The following CDH17 variants were observed in gnomAD, a reference collection of about 807,000 sequenced individuals.
CDH17 encodes cadherin-17.
CDH17 carries 67 observed loss-of-function variants against 86.3 expected under a neutral mutation model. That is an observed-to-expected ratio of 0.78 (90% CI 0.64 to 0.95). The LOEUF (loss-of-function observed/expected upper bound fraction) is 0.95. Among genes scored for constraint, CDH17 ranks in the 40% least tolerant of loss-of-function variants. The pLI, the probability that CDH17 is intolerant of heterozygous loss-of-function variation, is 0.00. For synonymous variants in CDH17, 367 were observed against 366.4 expected (o/e 1.00, Z -0.02); for missense variants, 993 against 1,017.6 (o/e 0.98, Z 0.33).
chr8:94,169,354 G>C (rs1185458527), intron 9 of CDH17, among the ~76,000 whole-genome samples: 1 of 152,140 alleles, frequency 6.6e-6, no homozygotes, highest in East Asian at 1.9e-4. Flanking sequence ...GACCTGCACA[G>C]AACACAGTGA....
chr8:94,216,394 G>T (rs1041780229), intron 1 of CDH17, among the ~76,000 whole-genome samples: 1 of 152,118 alleles, frequency 6.6e-6, no homozygotes, highest in Non-Finnish European at 1.5e-5. Context: ...AGACCATCTG[G>T]CTCTATCAAT....
chr8:94,129,396 A>G (rs1285538421), intron 17 of CDH17, among the ~76,000 whole-genome samples: 1 of 152,130 alleles, frequency 6.6e-6, no homozygotes. Flanking sequence ...GGAAGTGGCC[A>G]TGACATGAAG....
At chr8:94,178,120 T>C (rs1336024880) in intron 3 of CDH17, among the ~76,000 whole-genome samples, 6 of 152,322 alleles carry the variant, frequency 3.9e-5, no homozygotes, top group Non-Finnish European at 1.5e-5. Flanking sequence ...ATAGACACGT[T>C]AATGTTAAGG....
chr8:94,132,769 C>A (rs74463695), intron 15 of CDH17, among the ~76,000 whole-genome samples: 152,321 of 152,328 alleles, frequency 1, 76,157 homozygotes, highest in Non-Finnish European at 1. Flanking sequence ...GGTATTGCCT[C>A]GGTTTTCTTC....
intron 12 of CDH17, among the ~76,000 whole-genome samples, chr8:94,155,667 C>A (rs775302409): frequency 2.4e-4 from 36 of 152,220 alleles, no homozygotes; most frequent in Non-Finnish European, 3.8e-4. Context: ...AAAGACAAGA[C>A]TGTACGGCGA....
intron 15 of CDH17, among the ~76,000 whole-genome samples, chr8:94,134,591 T>C (rs954285815): frequency 6.6e-6 from 1 of 152,138 alleles, no homozygotes; most frequent in Non-Finnish European, 1.5e-5. Context: ...ATTTTGTTGA[T>C]CTTTTCAAAA....
rs1041696406 is a variant in CDH17, at chr8:94,127,922, G to A, written c.*318C>T. ...CAGCCTGGCCAAATGGCGAAACCCC[G>A]TCTCTATTAAAAATACAAAAATTAG... On this transcript the variant is annotated 3_prime_UTR_variant, in exon 18 of 18. Coordinates refer to ENST00000027335, the MANE Select transcript of CDH17 (RefSeq NM_004063.4). 4.4e-5 allele frequency: 11 copies of A among 249,492 alleles called. No homozygotes were observed. The highest frequency in any genetic ancestry group is 3.2e-4 in the East Asian group (3 of 9,424). 15.5% of individuals were successfully genotyped at this position (249,492 alleles called of 1,614,324 possible).
chr8:94,213,879 C>T (rs1814158688), intron 1 of CDH17, among the ~76,000 whole-genome samples: 1 of 152,212 alleles, frequency 6.6e-6, no homozygotes, highest in Admixed American at 6.5e-5. Context: ...ACCTCTTGAG[C>T]TAGTCCCTTG....
intron 2 of CDH17, among the ~76,000 whole-genome samples, chr8:94,191,683 AC>A (rs1813693836): frequency 6.6e-6 from 1 of 151,992 alleles, no homozygotes; most frequent in African/African-American, 2.4e-5. Flanking sequence ...CGAACTCCTG[AC>A]CTCAGGTGAT....
chr8:94,205,474 G>C (rs1287194228), intron 1 of CDH17, among the ~76,000 whole-genome samples: 2 of 151,938 alleles, frequency 1.3e-5, no homozygotes, highest in African/African-American at 4.8e-5. Flanking sequence ...GAAGAGAAGA[G>C]AAAGAAAAAT....
rs745784720 is a variant in CDH17 at position 94,128,391 on chromosome 8, G to A, written c.2399-51C>T. 9 of 1,089,688 alleles carry A rather than the reference G, an allele frequency of 8.3e-6. No individual in the cohort carries two copies. In the African/African-American group the frequency reaches 1.4e-4, roughly 17 times the overall value. 67.5% of individuals were successfully genotyped at this position (1,089,688 alleles called of 1,614,324 possible). On this transcript the variant is annotated intron_variant, in intron 17 of 17. Coordinates refer to ENST00000027335, the MANE Select transcript of CDH17 (RefSeq NM_004063.4). Reference sequence around the variant, plus strand: ...TAAATGGGACCTTTTAAAATGTACTGTCACATTCAGTTATAAAGTAGTATT... The same window carrying A: ...TAAATGGGACCTTTTAAAATGTACTATCACATTCAGTTATAAAGTAGTATT...
At chr8:94,209,053 C>T (rs1814081670), upstream of CDH17, among the ~76,000 whole-genome samples, 1 of 152,162 alleles carries the variant, frequency 6.6e-6, no homozygotes, top group African/African-American at 2.4e-5. Flanking sequence ...AGGAAAGACA[C>T]AATATGGCTG....
At chr8:94,134,735 C>G (rs191124609) in intron 15 of CDH17, among the ~76,000 whole-genome samples, 1 of 152,122 alleles carries the variant, frequency 6.6e-6, no homozygotes, top group East Asian at 1.9e-4. Flanking sequence ...TTCTCTAGTT[C>G]TTTTCATTGT....
At chr8:94,157,950 G>C (rs1372933886) in intron 12 of CDH17, among the ~76,000 whole-genome samples, 2 of 152,188 alleles carry the variant, frequency 1.3e-5, no homozygotes, top group Non-Finnish European at 2.9e-5. Context: ...GTGAACAGGA[G>C]TATAGATATC....
intron 1 of CDH17, among the ~76,000 whole-genome samples, chr8:94,203,860 T>A (rs921764570): frequency 2.0e-5 from 3 of 152,124 alleles, no homozygotes; most frequent in African/African-American, 7.2e-5. Context: ...GAGGGAGGGA[T>A]GAACATACAT....
chr8:94,148,809 C>T lies in CDH17; in HGVS notation c.1862G>A (p.Ser621Asn). ...KIDHVTGEIF[S>N]VAPLDREAGS... ...GGCTTCTCTGTCCAATGGAGCCACA[C>T]TAAAGATCTCACCAGTCACGTGGTC... The change falls in exon 14 of 18, where the codon AGT (serine) becomes AAT (asparagine). Residue 621 changes from serine to asparagine, a missense_variant. Coordinates refer to ENST00000027335, the MANE Select transcript of CDH17 (RefSeq NM_004063.4). The T allele has an allele frequency of 6.3e-7, 1 of 1,598,572 alleles. No homozygotes were observed. Among genetic ancestry groups the T allele is most frequent in the South Asian group, 1.1e-5 (1 of 90,446 alleles).
intron 15 of CDH17, among the ~76,000 whole-genome samples, chr8:94,131,785 C>T (rs142892431): frequency 1.1e-3 from 175 of 152,196 alleles, no homozygotes; most frequent in African/African-American, 4.0e-3. Context: ...CTCATCAACT[C>T]GTCATTTACA....
chr8:94,189,081 A>G lies in CDH17; in HGVS notation c.150+106T>C, dbSNP rs1813635429. 1.0e-5 allele frequency: 8 copies of G among 782,206 alleles called. No homozygotes were observed. In the South Asian group the frequency reaches 1.2e-4, roughly 12 times the overall value. 48.5% of individuals were successfully genotyped at this position (782,206 alleles called of 1,614,324 possible). A position where few individuals can be genotyped will look rare whatever the true frequency, so the allele number is the denominator to read the frequency against. On this transcript the variant is annotated intron_variant, in intron 3 of 17. Transcript: ENST00000027335. ...TCTGAAATCATTCTTGATAATGAGA[A>G]TGCCATGCCTTTATTTTATTTCCTG...
At chr8:94,156,619 A>T (rs1241561975) in intron 12 of CDH17, among the ~76,000 whole-genome samples, 1 of 152,112 alleles carries the variant, frequency 6.6e-6, no homozygotes, top group Non-Finnish European at 1.5e-5. Flanking sequence ...TGCCAAAATT[A>T]CTCATTTCCA....
Sources: gnomAD v4.1 joint callset for allele counts (sites outside exome capture counted in the v4.1 genomes callset) on GRCh38, gnomAD v4.1.1 for gene constraint, MANE v1.5 for transcripts, NCBI Gene and HGNC (gene_info 2026-07-23, HGNC 2026-07-21) for gene names.